PRCP: variants seen among roughly 807,000 people sequenced by gnomAD.
The protein encoded by PRCP is lysosomal Pro-X carboxypeptidase.
In PRCP, 46 loss-of-function variants were observed where a neutral mutation model predicts 54.2. That is an observed-to-expected ratio of 0.85 (90% CI 0.67 to 1.09). The LOEUF (loss-of-function observed/expected upper bound fraction) is 1.09, where lower values mean the gene tolerates loss of function less well. Among genes scored for constraint, PRCP ranks in the 50% least tolerant of loss-of-function variants. The pLI, the probability that PRCP is intolerant of heterozygous loss-of-function variation, is 0.00. For missense variants in PRCP, 613 were observed against 596.8 expected, an observed-to-expected ratio of 1.03 and a Z score of -0.28; for synonymous variants, 240 against 212.2, an observed-to-expected ratio of 1.13 and a Z score of -1.14.
At chr11:82,848,999 A>C (rs1206218528) in intron 6 of PRCP, 50 bp downstream of exon 6, 12 of 1,393,050 alleles carry the variant, frequency 8.6e-6, no homozygotes, top group Non-Finnish European at 1.2e-5. Context: ...TATGCACATT[A>C]AAAAAAAAGT....
At chr11:82,830,617 G>A in intron 8 of PRCP, 1 of 93,126 alleles carries the variant, frequency 1.1e-5, no homozygotes, top group African/African-American at 4.5e-5. Context: ...GACAGAGCAA[G>A]ACTCCATCTC....
intron 7 of PRCP, 93 bp downstream of exon 7, chr11:82,839,167 TA>T: frequency 7.5e-7 from 1 of 1,334,344 alleles, no homozygotes; most frequent in Non-Finnish European, 1.0e-6. Flanking sequence ...GGATCCAGGT[TA>T]GGTGACAAAA....
chr11:82,847,611 A>T (rs1369507914), intron 6 of PRCP, among the ~76,000 whole-genome samples: 1 of 151,826 alleles, frequency 6.6e-6, no homozygotes, highest in Admixed American at 6.6e-5. Context: ...TCTTTTCTTT[A>T]CTTTTCTTTT....
At chr11:82,865,999 T>C (rs1223917955) in intron 1 of PRCP, among the ~76,000 whole-genome samples, 2 of 152,166 alleles carry the variant, frequency 1.3e-5, no homozygotes, top group African/African-American at 4.8e-5. Flanking sequence ...CCCTCACACA[T>C]GGGCACCCTA....
At chr11:82,859,150 C>T (rs1286986045) in intron 2 of PRCP, among the ~76,000 whole-genome samples, 1 of 152,154 alleles carries the variant, frequency 6.6e-6, no homozygotes, top group East Asian at 1.9e-4. Context: ...ACAGCACTGA[C>T]ACATTGAAAA....
At chr11:82,898,352 A>C (rs1181697756) in intron 1 of PRCP, among the ~76,000 whole-genome samples, 2 of 152,246 alleles carry the variant, frequency 1.3e-5, no homozygotes, top group Non-Finnish European at 2.9e-5. Flanking sequence ...CAAGAAAAGA[A>C]TCTACAATAA....
chr11:82,891,486 C>T (rs1180162008), intron 1 of PRCP, among the ~76,000 whole-genome samples: 1 of 152,170 alleles, frequency 6.6e-6, no homozygotes, highest in African/African-American at 2.4e-5. Flanking sequence ...CCCTAAAGCT[C>T]CAAAGGCTTC....
At chr11:82,874,054 T>C (rs1859541595) in intron 1 of PRCP, among the ~76,000 whole-genome samples, 1 of 152,204 alleles carries the variant, frequency 6.6e-6, no homozygotes, top group South Asian at 2.1e-4. Context: ...CCGGTCTAAA[T>C]GATAATGGCG....
At chr11:82,889,531 G>A (rs1426666763) in intron 1 of PRCP, among the ~76,000 whole-genome samples, 1 of 152,058 alleles carries the variant, frequency 6.6e-6, no homozygotes, top group African/African-American at 2.4e-5. Context: ...AGAGGAAGCT[G>A]CAGAAGCAGC....
At chr11:82,846,046 G>T (rs1325904045) in intron 6 of PRCP, 1 of 152,194 alleles carries the variant, frequency 6.6e-6, no homozygotes, top group Non-Finnish European at 1.5e-5. Context: ...ACTGTACAAG[G>T]TCCCAGACAG....
chr11:82,825,284 C>A, intron 8 of PRCP, 162 bp from the exon 9 acceptor site: 1 of 663,002 alleles, frequency 1.5e-6, no homozygotes, highest in Non-Finnish European at 2.5e-6. Flanking sequence ...ATAGATACTT[C>A]ATACTGGAGT....
intron 1 of PRCP, among the ~76,000 whole-genome samples, chr11:82,898,907 G>A (rs1860180734): frequency 6.6e-6 from 1 of 152,190 alleles, no homozygotes; most frequent in South Asian, 2.1e-4. Context: ...CCCTTTGGGA[G>A]GCCAAGACAG....
intron 8 of PRCP, among the ~76,000 whole-genome samples, chr11:82,831,596 C>A (rs1858382329): frequency 6.6e-6 from 1 of 152,210 alleles, no homozygotes; most frequent in African/African-American, 2.4e-5. Context: ...AATCTCCAAT[C>A]CAACAGTTAA....
At chr11:82,893,688 G>A (rs1320281641) in intron 1 of PRCP, among the ~76,000 whole-genome samples, 1 of 152,150 alleles carries the variant, frequency 6.6e-6, no homozygotes, top group African/African-American at 2.4e-5. Flanking sequence ...AGCTACCCGG[G>A]ATGCTGAGGT....
At chr11:82,879,442 C>A (rs1204013329) in intron 1 of PRCP, among the ~76,000 whole-genome samples, 1 of 152,064 alleles carries the variant, frequency 6.6e-6, no homozygotes, top group Non-Finnish European at 1.5e-5. Flanking sequence ...ATCTTTTTTC[C>A]AGGTTGTTAG....
intron 8 of PRCP, chr11:82,836,874 G>T: frequency 2.5e-6 from 1 of 394,890 alleles, no homozygotes; most frequent in South Asian, 1.9e-5. Flanking sequence ...GGCTGAATTG[G>T]GTACAAGTGG....
intron 1 of PRCP, among the ~76,000 whole-genome samples, chr11:82,896,722 A>G (rs1939159921): frequency 6.6e-6 from 1 of 151,578 alleles, no homozygotes; most frequent in Non-Finnish European, 1.5e-5. Flanking sequence ...CCCCTAAGCA[A>G]GAAGAAATTC....
chr11:82,872,395 T>C (rs989544440), intron 1 of PRCP, among the ~76,000 whole-genome samples: 5 of 152,116 alleles, frequency 3.3e-5, no homozygotes, highest in South Asian at 2.1e-4. Flanking sequence ...GCAGATGTCA[T>C]TAGTTAAGAT....
chr11:82,889,418 G>A (rs1363622713), intron 1 of PRCP, among the ~76,000 whole-genome samples: 1 of 151,292 alleles, frequency 6.6e-6, no homozygotes, highest in African/African-American at 2.4e-5. Flanking sequence ...GAAGGAGGAG[G>A]GATGGAGGAA....
Sources: gnomAD v4.1 joint callset for allele counts (sites outside exome capture counted in the v4.1 genomes callset) on GRCh38, gnomAD v4.1.1 for gene constraint, MANE v1.5 for transcripts, NCBI Gene and HGNC (gene_info 2026-07-23, HGNC 2026-07-21) for gene names.